OXR1: variants seen among roughly 807,000 people sequenced by gnomAD.
OXR1 encodes oxidation resistance 1.
In OXR1, 41 loss-of-function variants were observed where a neutral mutation model predicts 104.6. The observed-to-expected ratio is 0.39, with a 90% confidence interval of 0.31 to 0.51. The LOEUF is 0.51. Among genes scored for constraint, OXR1 ranks in the 20% least tolerant of loss-of-function variants. The pLI is 0.77. For missense variants in OXR1, 955 were observed against 1,031.9 expected (o/e 0.93, Z 1.02); for synonymous variants, 348 against 348.4 (o/e 1.00, Z 0.01).
chr8:106,457,370 AC>A (rs201108510), intron 2 of OXR1, among the ~76,000 whole-genome samples: 2,038 of 152,234 alleles, frequency 0.013, 39 homozygotes, highest in African/African-American at 0.044. Context: ...TTGATATTGG[AC>A]TTTCTAGTCT....
chr8:106,431,278 T>A (rs964678418), intron 2 of OXR1, among the ~76,000 whole-genome samples: 1 of 152,056 alleles, frequency 6.6e-6, no homozygotes, highest in Non-Finnish European at 1.5e-5. Flanking sequence ...ATAATGATGA[T>A]GGTGATGATG....
chr8:106,584,091 A>G (rs1818447987), intron 3 of OXR1, among the ~76,000 whole-genome samples: 1 of 149,250 alleles, frequency 6.7e-6, no homozygotes, highest in East Asian at 1.9e-4. Flanking sequence ...CCAGGAAACC[A>G]AAATAGGGTG....
At chr8:106,360,897 A>G (rs1171565413) in intron 2 of OXR1, among the ~76,000 whole-genome samples, 1 of 152,168 alleles carries the variant, frequency 6.6e-6, no homozygotes, top group Non-Finnish European at 1.5e-5. Flanking sequence ...GAAGGGGGAC[A>G]GGAGGGTTGG....
intron 3 of OXR1, among the ~76,000 whole-genome samples, chr8:106,533,230 G>A (rs564850596): frequency 6.6e-6 from 1 of 152,308 alleles, no homozygotes; most frequent in East Asian, 1.9e-4. Flanking sequence ...AATGATCAGA[G>A]ACATAGAAGG....
At position 106,326,798 on chromosome 8, in the gene OXR1, T is replaced by C. The variant is rs371311823; in HGVS notation, c.-138-32678T>C. ...GTGAGCAGAGGAAAGCAATAGGGAA[T>C]GGAGTCAGAGAGGTAGTAGGGAAGG... On this transcript the variant is annotated intron_variant, in intron 1 of 16. Transcript: ENST00000517566. Among the ~76,000 whole-genome samples, 22 of 152,230 alleles carry C rather than the reference T, an allele frequency of 1.4e-4. No individual in the cohort carries two copies. In the East Asian group the frequency reaches 4.2e-3, roughly 29 times the overall value.
chr8:106,478,510 A>G (rs748342722), intron 2 of OXR1, among the ~76,000 whole-genome samples: 1 of 151,874 alleles, frequency 6.6e-6, no homozygotes, highest in Non-Finnish European at 1.5e-5. Context: ...CAGAATAGTA[A>G]GTAAGGAAGT....
At chr8:106,501,928 T>G (rs1811840656) in intron 2 of OXR1, among the ~76,000 whole-genome samples, 4 of 152,220 alleles carry the variant, frequency 2.6e-5, no homozygotes, top group Admixed American at 2.6e-4. Context: ...GCCAGGAGAT[T>G]AAGGCAATAT....
At chr8:106,572,196 G>A (rs1205172538) in intron 3 of OXR1, among the ~76,000 whole-genome samples, 2 of 152,074 alleles carry the variant, frequency 1.3e-5, no homozygotes, top group South Asian at 2.1e-4. Context: ...TAACTCAATG[G>A]TTCCATCCTA....
intron 3 of OXR1, among the ~76,000 whole-genome samples, chr8:106,666,398 T>A (rs1477976578): frequency 6.6e-6 from 1 of 152,218 alleles, no homozygotes; most frequent in Non-Finnish European, 1.5e-5. Flanking sequence ...AAAATTGGAT[T>A]CAGGATTCTG....
intron 14 of OXR1, 44 bp downstream of exon 14, chr8:106,740,539 G>GT: frequency 1.4e-6 from 2 of 1,472,812 alleles, no homozygotes; most frequent in Non-Finnish European, 1.9e-6. Flanking sequence ...TTTAAGAGCA[G>GT]TAACAGTAAC....
At chr8:106,646,270 T>A (rs1824075612) in intron 3 of OXR1, among the ~76,000 whole-genome samples, 1 of 151,886 alleles carries the variant, frequency 6.6e-6, no homozygotes, top group Non-Finnish European at 1.5e-5. Context: ...CAAGCCTGAC[T>A]AATTTTTGTA....
At chr8:106,389,935 AG>A (rs2130440109) in intron 2 of OXR1, among the ~76,000 whole-genome samples, 1 of 152,150 alleles carries the variant, frequency 6.6e-6, no homozygotes, top group Admixed American at 6.5e-5. Flanking sequence ...AAGTGGTGGC[AG>A]GTGCCTGTAG....
At chr8:106,470,628 T>C (rs1468336821) in intron 2 of OXR1, among the ~76,000 whole-genome samples, 1 of 151,780 alleles carries the variant, frequency 6.6e-6, no homozygotes, top group African/African-American at 2.4e-5. Context: ...TTGGAAATTG[T>C]TTGCATATAA....
rs117010480 is a variant in OXR1 at position 106,561,986 on chromosome 8, C to A, written c.220+42847C>A. Among the ~76,000 whole-genome samples the A allele has an allele frequency of 7.6e-3, 1,160 of 152,204 alleles. 10 individuals carry two copies. The highest frequency in any genetic ancestry group is 0.021 in the South Asian group (103 of 4,812). On this transcript the variant is annotated intron_variant, in intron 3 of 16. Transcript: ENST00000517566. ...ATCTAAAAGTTACCAACATAAAAGA[C>A]CAAAGGTAGATAAACCCACAAAGAT...
chr8:106,531,993 G>C (rs553117706), intron 3 of OXR1, among the ~76,000 whole-genome samples: 3 of 152,216 alleles, frequency 2.0e-5, no homozygotes, highest in South Asian at 4.2e-4. Context: ...ATAAGCCTGG[G>C]TAAACCTCAA....
At chr8:106,576,853 T>C (rs530087421) in intron 3 of OXR1, among the ~76,000 whole-genome samples, 3 of 152,298 alleles carry the variant, frequency 2.0e-5, no homozygotes, top group African/African-American at 7.2e-5. Context: ...TTCAAGCTGG[T>C]AGAATCCCAA....
At chr8:106,464,212 G>C (rs777944774) in intron 2 of OXR1, among the ~76,000 whole-genome samples, 4 of 151,982 alleles carry the variant, frequency 2.6e-5, no homozygotes, top group Non-Finnish European at 5.9e-5. Flanking sequence ...AATAATAATA[G>C]CAGTTAATGC....
chr8:106,563,858 G>A (rs1337297329), intron 3 of OXR1, among the ~76,000 whole-genome samples: 1 of 152,100 alleles, frequency 6.6e-6, no homozygotes, highest in Non-Finnish European at 1.5e-5. Flanking sequence ...ACAACTACAT[G>A]GAAACTGAGC....
At chr8:106,676,333 G>T (rs1587050707) in intron 3 of OXR1, among the ~76,000 whole-genome samples, 2 of 151,916 alleles carry the variant, frequency 1.3e-5, no homozygotes, top group African/African-American at 4.8e-5. Context: ...GTTATGTGTG[G>T]ATTTTATCCT....
Sources: gnomAD v4.1 joint callset for allele counts (sites outside exome capture counted in the v4.1 genomes callset) on GRCh38, gnomAD v4.1.1 for gene constraint, MANE v1.5 for transcripts, NCBI Gene and HGNC (gene_info 2026-07-23, HGNC 2026-07-21) for gene names.